Variants in BOC observed in about 807,000 individuals in gnomAD.
BOC encodes BOC cell adhesion associated, oncogene regulated.
In BOC, 76 loss-of-function variants were observed where a neutral mutation model predicts 112.0. The ratio of observed to expected loss-of-function variants is 0.68; its 90% confidence interval spans 0.56 to 0.82. BOC has a LOEUF of 0.82. BOC is among the 40% of genes least tolerant of loss of function. The pLI is 0.00. For missense variants in BOC, 1,309 were observed against 1,511.7 expected (o/e 0.87, Z 2.22); for synonymous variants, 580 against 599.8 (o/e 0.97, Z 0.48).
chr3:113,224,999 C>G (rs1164617744), intron 2 of BOC, among the ~76,000 whole-genome samples: 1 of 152,152 alleles, frequency 6.6e-6, no homozygotes, highest in African/African-American at 2.4e-5. Context: ...ATGGCATGAA[C>G]CCGGGAGGCA....
chr3:113,220,689 C>G (rs1940444016), intron 2 of BOC, among the ~76,000 whole-genome samples: 1 of 152,112 alleles, frequency 6.6e-6, no homozygotes, highest in Non-Finnish European at 1.5e-5. Context: ...AGGGCAGGAG[C>G]CTGGATTAGA....
intron 4 of BOC, among the ~76,000 whole-genome samples, chr3:113,267,702 G>A (rs556206847): frequency 1.2e-4 from 19 of 152,306 alleles, no homozygotes; most frequent in African/African-American, 4.3e-4. Flanking sequence ...ACTTGTCATC[G>A]TGGATGCCTA....
intron 2 of BOC, among the ~76,000 whole-genome samples, chr3:113,224,393 G>A (rs1285363150): frequency 3.9e-5 from 6 of 152,164 alleles, no homozygotes; most frequent in African/African-American, 1.4e-4. Context: ...CCTGGAGTTT[G>A]GTGACAGAAC....
At chr3:113,224,652 G>A (rs1312993036) in intron 2 of BOC, among the ~76,000 whole-genome samples, 1 of 152,184 alleles carries the variant, frequency 6.6e-6, no homozygotes, top group Non-Finnish European at 1.5e-5. Context: ...TTCCAACCCT[G>A]AGGAGCAGGG....
intron 16 of BOC, among the ~76,000 whole-genome samples, chr3:113,283,838 G>T (rs1212507348): frequency 6.6e-6 from 1 of 151,878 alleles, no homozygotes; most frequent in African/African-American, 2.4e-5. Context: ...AAGTTGGGCT[G>T]TCTTCTCTGC....
intron 4 of BOC, among the ~76,000 whole-genome samples, chr3:113,255,590 G>A (rs2107472386): frequency 6.6e-6 from 1 of 152,268 alleles, no homozygotes; most frequent in Admixed American, 6.5e-5. Flanking sequence ...TTCTAAACTT[G>A]GGAATTTTAG....
chr3:113,272,259 A>T, intron 6 of BOC, 151 bp from the exon 7 acceptor site: 2 of 794,348 alleles, frequency 2.5e-6, no homozygotes, highest in South Asian at 3.4e-5. Context: ...CCCCAAGGGA[A>T]TTCTGTAGCA....
At chr3:113,217,132 C>T (rs1253432570) in intron 2 of BOC, among the ~76,000 whole-genome samples, 2 of 152,146 alleles carry the variant, frequency 1.3e-5, no homozygotes, top group African/African-American at 4.8e-5. Flanking sequence ...AGCCCATGCG[C>T]CATCCAGAAT....
At position 113,280,524 on chromosome 3, in the gene BOC, C is replaced by T. The variant is rs373821668; in HGVS notation, c.2206-34C>T. ...TTGCTTTGATGATGTTTTCTCTGCC[C>T]ATTGTCAACTTGTTTCTTCTCCATT... On this transcript the variant is annotated intron_variant, in intron 13 of 19. Coordinates refer to ENST00000682979, the MANE Select transcript of BOC (RefSeq NM_001378074.1). 3.6e-5 allele frequency: 52 copies of T among 1,451,766 alleles called. 3 individuals are homozygous for T. The South Asian group carries it at 5.3e-4, about 15-fold the overall frequency. 89.9% of individuals were successfully genotyped at this position (1,451,766 alleles called of 1,614,324 possible). A position where few individuals can be genotyped will look rare whatever the true frequency, so the allele number is the denominator to read the frequency against.
intron 4 of BOC, among the ~76,000 whole-genome samples, chr3:113,263,906 G>T (rs115551340): frequency 0.014 from 2,104 of 152,284 alleles, 18 homozygotes; most frequent in Non-Finnish European, 0.021. Context: ...TAGCCAAAAG[G>T]GTCTGTGCCT....
rs75678874 is a variant in BOC, at chr3:113,233,148, G to GGGTGTGTGTGT, written c.-81-16573_-81-16572insGTGTGTGTGTG. Among the ~76,000 whole-genome samples the GGGTGTGTGTGT allele has an allele frequency of 2.2e-3, 269 of 124,034 alleles. 1 individual carries two copies. Among genetic ancestry groups the GGGTGTGTGTGT allele is most frequent in the East Asian group, 0.011 (42 of 3,936 alleles). 81.4% of individuals were successfully genotyped at this position (124,034 alleles called of 152,430 possible). Reference sequence around the variant, plus strand: ...CATGCATGAGCATGTAAAGGATTGGGGTGTGTGTGTGTGTGTGTGTGTGTG... The same window carrying GGGTGTGTGTGT: ...CATGCATGAGCATGTAAAGGATTGGGGGTGTGTGTGTGTGTGTGTGTGTGTGTGTGTGTGTG... On this transcript the variant is annotated intron_variant, in intron 2 of 19. Coordinates refer to ENST00000682979, the MANE Select transcript of BOC (RefSeq NM_001378074.1).
At chr3:113,228,474 TG>T (rs1360400676) in intron 2 of BOC, among the ~76,000 whole-genome samples, 4 of 151,974 alleles carry the variant, frequency 2.6e-5, no homozygotes, top group African/African-American at 9.7e-5. Flanking sequence ...AGGCCCTGGG[TG>T]AGGTAGGTCA....
chr3:113,265,717 C>A (rs893469312), intron 4 of BOC, among the ~76,000 whole-genome samples: 1 of 152,178 alleles, frequency 6.6e-6, no homozygotes, highest in Non-Finnish European at 1.5e-5. Flanking sequence ...TCAGCCAGGA[C>A]TGGGCTAAAT....
chr3:113,229,035 G>T (rs1040752706), intron 2 of BOC, among the ~76,000 whole-genome samples: 1 of 152,186 alleles, frequency 6.6e-6, no homozygotes, highest in East Asian at 1.9e-4. Flanking sequence ...AACTAGTCTG[G>T]GTATATGTTG....
intron 2 of BOC, among the ~76,000 whole-genome samples, chr3:113,233,839 T>C (rs1407744309): frequency 1.3e-5 from 2 of 148,218 alleles, no homozygotes; most frequent in African/African-American, 2.5e-5. Context: ...GAAGGTCTTA[T>C]GTCCTGCCTG....
chr3:113,244,321 T>A (rs1172994295), intron 2 of BOC, among the ~76,000 whole-genome samples: 1 of 152,210 alleles, frequency 6.6e-6, no homozygotes, highest in Non-Finnish European at 1.5e-5. Context: ...ATATTAATAA[T>A]TAAAAGCCAA....
Position 113,235,720 on chromosome 3 carries a change from A to G in BOC, c.-81-14002A>G, listed in dbSNP as rs76140460. Among the ~76,000 whole-genome samples, 881 of 152,314 alleles carry G rather than the reference A, an allele frequency of 5.8e-3. 6 individuals are homozygous for G. The highest frequency in any genetic ancestry group is 0.02 in the African/African-American group (822 of 41,574). ...ACTTGGGAACACTAGAGCATTCTCC[A>G]TGGATCCCTATTCCCCAGACCTATT... On this transcript the variant is annotated intron_variant, in intron 2 of 19. Coordinates refer to ENST00000682979, the MANE Select transcript of BOC (RefSeq NM_001378074.1).
chr3:113,219,483 T>C (rs1474856836), intron 2 of BOC, among the ~76,000 whole-genome samples: 2 of 152,238 alleles, frequency 1.3e-5, no homozygotes, highest in African/African-American at 4.8e-5. Context: ...CTTAAATAAT[T>C]GTAGGGACTT....
At chr3:113,213,859 T>C (rs1938770558) in intron 1 of BOC, among the ~76,000 whole-genome samples, 1 of 152,212 alleles carries the variant, frequency 6.6e-6, no homozygotes, top group South Asian at 2.1e-4. Context: ...AGTTGCCTCA[T>C]TGGGCCACTT....
Sources: gnomAD v4.1 joint callset for allele counts (sites outside exome capture counted in the v4.1 genomes callset) on GRCh38, gnomAD v4.1.1 for gene constraint, MANE v1.5 for transcripts, NCBI Gene and HGNC (gene_info 2026-07-23, HGNC 2026-07-21) for gene names.